The following SLC13A4 variants were observed in gnomAD, a reference collection of about 807,000 sequenced individuals.
SLC13A4 encodes the protein solute carrier family 13 member 4, also known as Na(+)/sulfate cotransporter SUT-1.
SLC13A4 carries 28 observed loss-of-function variants against 72.7 expected under a neutral mutation model. That is an observed-to-expected ratio of 0.39 (90% CI 0.29 to 0.53). The LOEUF is 0.53. Among genes scored for constraint, SLC13A4 ranks in the 20% least tolerant of loss-of-function variants. The pLI is 0.78. For missense variants in SLC13A4, 653 were observed against 788.0 expected, an observed-to-expected ratio of 0.83 and a Z score of 2.05; for synonymous variants, 312 against 325.5, an observed-to-expected ratio of 0.96 and a Z score of 0.45.
intron 5 of SLC13A4, 154 bp downstream of exon 5, chr7:135,705,442 G>C (rs1369492808): frequency 3.2e-6 from 2 of 629,960 alleles, no homozygotes; most frequent in East Asian, 5.5e-5. Context: ...GAGAGGAAAT[G>C]GGGGAGGTTG....
chr7:135,703,106 C>CA (rs1357920724), intron 5 of SLC13A4: 6 of 568,646 alleles, frequency 1.1e-5, no homozygotes, highest in Non-Finnish European at 1.9e-5. Context: ...GCAGGGGCAG[C>CA]ACTTTCCTTT....
chr7:135,683,479 TCC>T (rs1183791621), intron 15 of SLC13A4: 2 of 976,092 alleles, frequency 2.0e-6, no homozygotes, highest in Non-Finnish European at 1.2e-6. Context: ...TTCCATCCTC[TCC>T]CCCCCCGCTC....
chr7:135,702,983 T>G (rs1336773592), intron 5 of SLC13A4, 99 bp from the exon 6 acceptor site: 1 of 828,866 alleles, frequency 1.2e-6, no homozygotes, highest in African/African-American at 1.7e-5. Flanking sequence ...GGACTTAAAC[T>G]CTCTGGATTC....
chr7:135,706,088 T>C (rs1196691743), intron 4 of SLC13A4, 40 bp downstream of exon 4: 15 of 1,527,794 alleles, frequency 9.8e-6, no homozygotes, highest in African/African-American at 2.7e-5. Flanking sequence ...CCAGGGGAGG[T>C]TGGAGGAGCA....
At chr7:135,681,731 A>G in intron 15 of SLC13A4, 31 bp from the exon 16 acceptor site, 1 of 1,602,878 alleles carries the variant, frequency 6.2e-7, no homozygotes, top group South Asian at 1.1e-5. Flanking sequence ...CACCCTAGTC[A>G]CTCTGACCAG....
Position 135,717,052 on chromosome 7 carries a change from A to G in SLC13A4, c.228+4343T>C, listed in dbSNP as rs140502101. Among the ~76,000 whole-genome samples the G allele has an allele frequency of 6.6e-5, 10 of 152,322 alleles. No individual in the cohort carries two copies. In the East Asian group the frequency reaches 1.5e-3, roughly 23 times the overall value. Reference sequence around the variant, plus strand: ...CGCATGTCTCATTCTGCCACCGTACATTAGCACCGTACATTAGCCAGCTAG... The same window carrying G: ...CGCATGTCTCATTCTGCCACCGTACGTTAGCACCGTACATTAGCCAGCTAG... On this transcript the variant is annotated intron_variant, in intron 2 of 15. Transcript: ENST00000682651.
chr7:135,688,438 G>A (rs1795689671), intron 13 of SLC13A4, among the ~76,000 whole-genome samples: 2 of 152,136 alleles, frequency 1.3e-5, no homozygotes, highest in South Asian at 4.2e-4. Context: ...TGTATTTTTA[G>A]TAGAGACAAC....
chr7:135,706,215 C>T lies in SLC13A4; in HGVS notation c.451G>A (p.Val151Met), dbSNP rs769333711. 25 of 1,613,892 alleles carry T rather than the reference C, an allele frequency of 1.5e-5. No homozygotes were observed. The highest frequency in any genetic ancestry group is 1.3e-4 in the East Asian group (6 of 44,894). ...ACCAGCTCCTGCAGCACGGCCTCCA[C>T]GATGGGCATCACCATGGCGGTGGTG... ...TSTTAMVMPI[V>M]EAVLQELVSA... The change falls in exon 4 of 16, where the codon GTG (valine) becomes ATG (methionine). Residue 151 changes from valine (V) to methionine (M), a missense_variant. Val to Met is a conservative substitution (Grantham distance 21). Coordinates refer to ENST00000682651, the MANE Select transcript of SLC13A4 (RefSeq NM_001318192.2).
intron 3 of SLC13A4, chr7:135,707,849 C>T (rs1162842709): frequency 2.8e-6 from 1 of 360,334 alleles, no homozygotes; most frequent in African/African-American, 2.1e-5. Context: ...CTGATGGGCC[C>T]CTATATGTTG....
At position 135,716,035 on chromosome 7, in the gene SLC13A4, C is replaced by T. The variant is rs181288012; in HGVS notation, c.228+5360G>A. Among the ~76,000 whole-genome samples the T allele has an allele frequency of 4.6e-5, 7 of 152,306 alleles. No homozygotes were observed. The East Asian group carries it at 9.6e-4, about 21-fold the overall frequency. On this transcript the variant is annotated intron_variant, in intron 2 of 15. Transcript: ENST00000682651. ...TAGGGACAGGAACACAAGGACCACA[C>T]ATGGCAACTCATGTCAGAGTTTTCC...
At chr7:135,705,353 T>G in intron 5 of SLC13A4, 1 of 442,532 alleles carries the variant, frequency 2.3e-6, no homozygotes. Context: ...AGTGTGGCCT[T>G]TTTATTTCTT....
intron 13 of SLC13A4, among the ~76,000 whole-genome samples, chr7:135,690,519 A>G (rs923597378): frequency 6.6e-6 from 1 of 152,196 alleles, no homozygotes. Context: ...GAGATCGCCT[A>G]TTACCACTCC....
intron 2 of SLC13A4, 46 bp from the exon 3 acceptor site, chr7:135,708,296 C>G (rs971569248): frequency 6.2e-7 from 1 of 1,611,438 alleles, no homozygotes. Flanking sequence ...GACCAAAGAC[C>G]CAGGGCCCAG....
At chr7:135,683,321 A>AGG in intron 15 of SLC13A4, 1 of 844,726 alleles carries the variant, frequency 1.2e-6, no homozygotes, top group African/African-American at 1.8e-5. Context: ...AAAAAAAAAA[A>AGG]AAAGGATAAA....
chr7:135,721,375 G>A lies in SLC13A4; in HGVS notation c.228+20C>T, dbSNP rs373700346. The A allele has an allele frequency of 4.3e-6, 7 of 1,613,208 alleles. No individual in the cohort carries two copies. In the African/African-American group the frequency reaches 8.0e-5, roughly 18 times the overall value. On this transcript the variant is annotated intron_variant, in intron 2 of 15. Transcript: ENST00000682651. The stretch of plus-strand genomic sequence containing the variant: ...CCCTGCAGGGACCCAGGCAGGGGGT[G>A]GGGCTACAAGTAGTCTAACCTCATT...
chr7:135,703,526 A>T (rs1172466933), intron 5 of SLC13A4: 1 of 152,692 alleles, frequency 6.5e-6, no homozygotes, highest in Non-Finnish European at 1.5e-5. Context: ...GAGGGGGAGG[A>T]CTTCTGATCA....
chr7:135,706,097 C>G, intron 4 of SLC13A4, 31 bp downstream of exon 4: 1 of 1,546,336 alleles, frequency 6.5e-7, no homozygotes. Context: ...GTTGGAGGAG[C>G]AAAGGAGAGA....
chr7:135,709,892 GT>G (rs1349866873), intron 2 of SLC13A4, among the ~76,000 whole-genome samples: 1 of 152,106 alleles, frequency 6.6e-6, no homozygotes, highest in African/African-American at 2.4e-5. Flanking sequence ...TTGTACTGTT[GT>G]TTGTTTATTT....
chr7:135,720,401 T>C (rs1796520958), intron 2 of SLC13A4, among the ~76,000 whole-genome samples: 1 of 152,102 alleles, frequency 6.6e-6, no homozygotes, highest in South Asian at 2.1e-4. Context: ...GCATGCGCCT[T>C]GTACAGCCCT....
Sources: gnomAD v4.1 joint callset for allele counts (sites outside exome capture counted in the v4.1 genomes callset) on GRCh38, gnomAD v4.1.1 for gene constraint, MANE v1.5 for transcripts, NCBI Gene and HGNC (gene_info 2026-07-23, HGNC 2026-07-21) for gene names.